Variants in MTMR12 observed in about 807,000 individuals in gnomAD.
MTMR12 encodes myotubularin-related protein 12.
Under a neutral mutation model 96.7 loss-of-function variants are expected in MTMR12, and 33 were observed. The observed-to-expected ratio is 0.34, with a 90% CI of 0.26 to 0.46. The LOEUF is 0.46. Among genes scored for constraint, MTMR12 ranks in the 20% least tolerant of loss-of-function variants. The pLI is 1.00. For missense variants in MTMR12, 721 were observed against 896.1 expected, an observed-to-expected ratio of 0.80 and a Z score of 2.49; for synonymous variants, 298 against 327.2, an observed-to-expected ratio of 0.91 and a Z score of 0.96.
At chr5:32,295,731 G>C (rs1000447375) in intron 1 of MTMR12, among the ~76,000 whole-genome samples, 6 of 152,134 alleles carry the variant, frequency 3.9e-5, no homozygotes, top group Non-Finnish European at 7.3e-5. Context: ...TACAGATAAG[G>C]CCAATGAAGC....
rs771102847 is a variant in MTMR12, at chr5:32,229,897, C to A, written c.2125G>T (p.Ala709Ser). The change falls in exon 16 of 16, where the codon GCT becomes TCT. Residue 709 changes from alanine (A) to serine (S), a missense_variant. Ala to Ser is a moderately conservative substitution (Grantham distance 99, BLOSUM62 1). Transcript: ENST00000382142. Reference protein sequence around the residue: ...SARLSSLFPFALLQRHSSKPV... With the variant: ...SARLSSLFPFSLLQRHSSKPV... ...TTAGAGGAATGTCGCTGGAGCAGAG[C>A]GAAAGGAAACAAAGACGAGAGGCGG... 5.6e-6 allele frequency: 9 copies of A among 1,613,142 alleles called. No individual in the cohort carries two copies. Among genetic ancestry groups the A allele is most frequent in the Non-Finnish European group, 6.8e-6 (8 of 1,179,428 alleles).
At chr5:32,285,741 G>C (rs1436432368) in intron 1 of MTMR12, among the ~76,000 whole-genome samples, 1 of 152,122 alleles carries the variant, frequency 6.6e-6, no homozygotes, top group African/African-American at 2.4e-5. Context: ...GTCTAGGCCA[G>C]ACAAGAGATG....
intron 7 of MTMR12, 90 bp downstream of exon 7, chr5:32,263,023 A>T: frequency 6.8e-7 from 1 of 1,466,598 alleles, no homozygotes; most frequent in Non-Finnish European, 9.3e-7. Context: ...GACTGTGGTG[A>T]TGACTGCACA....
chr5:32,289,346 T>A (rs970907739), intron 1 of MTMR12, among the ~76,000 whole-genome samples: 1 of 152,170 alleles, frequency 6.6e-6, no homozygotes, highest in African/African-American at 2.4e-5. Context: ...CTCAATCAAT[T>A]TCCAGACTTG....
chr5:32,233,112 G>T lies in MTMR12; in HGVS notation c.1674+661C>A. On this transcript the variant is annotated intron_variant, in intron 15 of 15. Transcript: ENST00000382142. This position sits in a 1 kb window ranked among gnomAD's most constrained non-coding sequence, Gnocchi z 5.0. Reference sequence around the variant, plus strand: ...CTGACATTTGTGGCTCATAGCATAGGTCAGCAAACTGGCCACCCCTCCGGC... The same window carrying T: ...CTGACATTTGTGGCTCATAGCATAGTTCAGCAAACTGGCCACCCCTCCGGC... 2 of 759,986 alleles carry T rather than the reference G, an allele frequency of 2.6e-6. No individual in the cohort carries two copies. Among genetic ancestry groups the T allele is most frequent in the Middle Eastern group, 6.7e-4 (1 of 1,490 alleles). 47.1% of individuals were successfully genotyped at this position (759,986 alleles called of 1,614,324 possible).
chr5:32,291,442 A>T (rs2112131547), intron 1 of MTMR12, among the ~76,000 whole-genome samples: 1 of 152,328 alleles, frequency 6.6e-6, no homozygotes, highest in South Asian at 2.1e-4. Context: ...AAGAAGCATG[A>T]TTGGAAAATT....
chr5:32,254,129 C>A (rs1452941054), intron 8 of MTMR12, among the ~76,000 whole-genome samples: 2 of 152,142 alleles, frequency 1.3e-5, no homozygotes, highest in African/African-American at 4.8e-5. Context: ...TTTTCCAGAC[C>A]CCTCTATGAA....
At chr5:32,245,909 A>C (rs1748661879) in intron 10 of MTMR12, among the ~76,000 whole-genome samples, 1 of 146,766 alleles carries the variant, frequency 6.8e-6, no homozygotes, top group Non-Finnish European at 1.5e-5. Context: ...GGAGCATCAC[A>C]AAAAACTGTT....
chr5:32,271,954 A>G (rs372043842), intron 3 of MTMR12, 49 bp from the exon 4 acceptor site: 21 of 1,141,344 alleles, frequency 1.8e-5, no homozygotes, highest in Non-Finnish European at 2.1e-5. Context: ...ATACTGTTAG[A>G]CATTTATAGG....
chr5:32,304,339 A>G (rs1332579916), intron 1 of MTMR12, among the ~76,000 whole-genome samples: 1 of 152,072 alleles, frequency 6.6e-6, no homozygotes, highest in Non-Finnish European at 1.5e-5. Context: ...AAAGAAAAGA[A>G]AAGAAATGCA....
At position 32,310,878 on chromosome 5, in the gene MTMR12, T is replaced by C. The variant is rs187994871; in HGVS notation, c.81+1880A>G. 1.0e-2 allele frequency among the ~76,000 whole-genome samples: 708 copies of C among 71,036 alleles called. 7 individuals carry two copies. The highest frequency in any genetic ancestry group is 0.028 in the African/African-American group (657 of 23,868). The allele number at this position is 71,036 out of a possible 152,430, so 46.6% of individuals were successfully genotyped here. ...ATGCCTGTATCCAAAGATTTCTTTC[T>C]TTTTTTTTTTTTTGAGATGGAGTCT... On this transcript the variant is annotated intron_variant, in intron 1 of 15. Coordinates refer to ENST00000382142, the MANE Select transcript of MTMR12 (RefSeq NM_001040446.3).
intron 1 of MTMR12, among the ~76,000 whole-genome samples, chr5:32,299,363 T>C (rs1446820180): frequency 6.6e-6 from 1 of 152,188 alleles, no homozygotes; most frequent in East Asian, 1.9e-4. Context: ...AACTACCACA[T>C]TATACTGAAA....
intron 10 of MTMR12, among the ~76,000 whole-genome samples, chr5:32,246,023 G>A (rs768690299): frequency 9.9e-5 from 15 of 152,074 alleles, no homozygotes; most frequent in Non-Finnish European, 1.8e-4. Context: ...GGATTGTACT[G>A]GCAAAGCCAT....
intron 1 of MTMR12, among the ~76,000 whole-genome samples, chr5:32,287,361 T>A (rs577278500): frequency 2.6e-5 from 4 of 152,206 alleles, no homozygotes; most frequent in Non-Finnish European, 5.9e-5. Context: ...GAGACTGGCC[T>A]AGCCTCGCAG....
In MTMR12 at chr5:32,284,717, A is replaced by ACC. The variant is rs879820121; in HGVS notation, c.82-7976_82-7975insGG. 6.2e-3 allele frequency among the ~76,000 whole-genome samples: 952 copies of ACC among 152,350 alleles called. 38 individuals are homozygous for ACC. The highest frequency in any genetic ancestry group is 0.058 in the Admixed American group (882 of 15,296). ...TGACAACCTTACTTCTGCAGCTGTG[A>ACC]AACACGAGGTAACATTCCTCACTTA... On this transcript the variant is annotated intron_variant, in intron 1 of 15. Transcript: ENST00000382142.
At chr5:32,310,447 T>C (rs1489304275) in intron 1 of MTMR12, among the ~76,000 whole-genome samples, 2 of 152,160 alleles carry the variant, frequency 1.3e-5, no homozygotes, top group African/African-American at 4.8e-5. Flanking sequence ...ATGTGGTACA[T>C]ACACACGAGT....
intron 1 of MTMR12, among the ~76,000 whole-genome samples, chr5:32,277,920 G>A (rs1750124710): frequency 6.6e-6 from 1 of 152,184 alleles, no homozygotes; most frequent in African/African-American, 2.4e-5. Flanking sequence ...AGAGAGCTGG[G>A]ACATTCTTTG....
At chr5:32,258,902 CAAAA>C (rs5867141) in intron 7 of MTMR12, among the ~76,000 whole-genome samples, 3,988 of 90,570 alleles carry the variant, frequency 0.044, 192 homozygotes, top group African/African-American at 0.14. Context: ...TGGTCTTTCA[CAAAA>C]AAAAAAAAAA....
chr5:32,241,578 T>A (rs1748478419), intron 12 of MTMR12, among the ~76,000 whole-genome samples: 1 of 152,248 alleles, frequency 6.6e-6, no homozygotes, highest in Non-Finnish European at 1.5e-5. Context: ...CTTTCGCACA[T>A]TCTGAATGTT....
Sources: gnomAD v4.1 joint callset for allele counts (sites outside exome capture counted in the v4.1 genomes callset) on GRCh38, gnomAD v4.1.1 for gene constraint, Gnocchi (gnomAD v3.1) non-coding constraint, MANE v1.5 for transcripts, NCBI Gene and HGNC (gene_info 2026-07-23, HGNC 2026-07-21) for gene names.